Variants in ZNF423 observed in about 807,000 individuals in gnomAD.
The protein encoded by ZNF423 is Ebf-associated zinc finger protein.
A neutral mutation model predicts 95.8 loss-of-function variants in ZNF423; 12 were observed. The ratio of observed to expected loss-of-function variants is 0.13; its 90% CI spans 0.08 to 0.20. The LOEUF (loss-of-function observed/expected upper bound fraction) is 0.20. Among genes scored for constraint, ZNF423 ranks in the 10% least tolerant of loss-of-function variants. The pLI, the probability that ZNF423 is intolerant of heterozygous loss-of-function variation, is 1.00. For synonymous variants in ZNF423, 749 were observed against 711.9 expected (o/e 1.05, Z -0.83); for missense variants, 1,316 against 1,737.1 (o/e 0.76, Z 4.31).
chr16:49,693,494 C>G (rs2031863638), intron 3 of ZNF423, among the ~76,000 whole-genome samples: 1 of 152,194 alleles, frequency 6.6e-6, no homozygotes, highest in South Asian at 2.1e-4. Context: ...GCTTTTCAGC[C>G]TGGCCAGCAT....
intron 2 of ZNF423, among the ~76,000 whole-genome samples, chr16:49,782,861 T>C (rs927286883): frequency 1.3e-5 from 2 of 151,560 alleles, no homozygotes; most frequent in Non-Finnish European, 2.9e-5. Context: ...TGGTGGTACA[T>C]GCCTGTAATT....
intron 5 of ZNF423, among the ~76,000 whole-genome samples, chr16:49,586,489 G>A (rs1031765451): frequency 6.6e-6 from 1 of 152,216 alleles, no homozygotes; most frequent in Non-Finnish European, 1.5e-5. Flanking sequence ...AGGCTGCACC[G>A]GCAGCATTCC....
intron 2 of ZNF423, among the ~76,000 whole-genome samples, chr16:49,752,379 C>T (rs534295078): frequency 6.6e-5 from 10 of 152,362 alleles, no homozygotes; most frequent in African/African-American, 2.4e-4. Context: ...CTTGCATAAC[C>T]ACCTGGGCAT....
chr16:49,500,587 G>A (rs1967354732), intron 7 of ZNF423, among the ~76,000 whole-genome samples: 1 of 152,162 alleles, frequency 6.6e-6, no homozygotes, highest in African/African-American at 2.4e-5. Context: ...AAAGCCTTGA[G>A]AAGAGCCTGG....
rs144644013 is a variant in ZNF423 at position 49,814,118 on chromosome 16, C to T, written c.41-24572G>A. Among the ~76,000 whole-genome samples the T allele has an allele frequency of 7.6e-3, 1,163 of 152,296 alleles. 20 individuals carry two copies. The highest frequency in any genetic ancestry group is 0.026 in the African/African-American group (1,101 of 41,582). On this transcript the variant is annotated intron_variant, in intron 1 of 7. Transcript: ENST00000563137. Reference sequence around the variant, plus strand: ...CTGTGGGCTGCCAGGGTCCAAGAGCCAGGCCCTGAGGAGCCGGGGCTTCGG... The same window carrying T: ...CTGTGGGCTGCCAGGGTCCAAGAGCTAGGCCCTGAGGAGCCGGGGCTTCGG...
intron 3 of ZNF423, among the ~76,000 whole-genome samples, chr16:49,642,129 G>C (rs966603795): frequency 6.6e-6 from 1 of 152,212 alleles, no homozygotes; most frequent in African/African-American, 2.4e-5. Context: ...CCACGTGCCA[G>C]CACTGTGCTA....
At chr16:49,612,385 T>G (rs1181779170) in intron 5 of ZNF423, among the ~76,000 whole-genome samples, 3 of 143,410 alleles carry the variant, frequency 2.1e-5, no homozygotes, top group Non-Finnish European at 4.5e-5. Flanking sequence ...TAAGAAAAAG[T>G]GCATGGTCTC....
intron 1 of ZNF423, among the ~76,000 whole-genome samples, chr16:49,805,305 C>A (rs773567394): frequency 1.3e-5 from 2 of 152,206 alleles, no homozygotes; most frequent in African/African-American, 4.8e-5. Flanking sequence ...CCATCACATA[C>A]CTGTAGTGAG....
intron 5 of ZNF423, among the ~76,000 whole-genome samples, chr16:49,570,462 G>C (rs918783182): frequency 6.6e-6 from 1 of 152,178 alleles, no homozygotes; most frequent in East Asian, 1.9e-4. Context: ...CATTTATATG[G>C]TGAGTTGGGG....
intron 5 of ZNF423, among the ~76,000 whole-genome samples, chr16:49,551,878 G>T (rs960708073): frequency 3.9e-5 from 6 of 152,234 alleles, no homozygotes; most frequent in African/African-American, 1.4e-4. Context: ...TGGACCAAGA[G>T]AGTGGCCTCC....
intron 2 of ZNF423, chr16:49,731,269 T>C: frequency 1.0e-6 from 1 of 972,232 alleles, no homozygotes. Flanking sequence ...ACCTTATTTG[T>C]CTCCTAAAAA....
chr16:49,801,186 C>G (rs2034577129), intron 1 of ZNF423, among the ~76,000 whole-genome samples: 1 of 152,224 alleles, frequency 6.6e-6, no homozygotes, highest in South Asian at 2.1e-4. Flanking sequence ...CGTGCCCTGC[C>G]ACAGCCTGCC....
At chr16:49,610,854 A>G (rs1211797083) in intron 5 of ZNF423, among the ~76,000 whole-genome samples, 2 of 152,070 alleles carry the variant, frequency 1.3e-5, no homozygotes, top group Non-Finnish European at 2.9e-5. Flanking sequence ...CATTGAAAGA[A>G]AGCAAAAAGG....
chr16:49,697,593 A>C (rs867222987), intron 3 of ZNF423, among the ~76,000 whole-genome samples: 3 of 152,240 alleles, frequency 2.0e-5, no homozygotes, highest in Middle Eastern at 6.8e-3. Flanking sequence ...ACTCTAGGGA[A>C]ATTTTTTGGA....
At chr16:49,605,764 G>A (rs531604483) in intron 5 of ZNF423, among the ~76,000 whole-genome samples, 8 of 152,310 alleles carry the variant, frequency 5.3e-5, no homozygotes, top group East Asian at 1.9e-4. Context: ...CAAGGCCCCC[G>A]TTGTCACTGG....
chr16:49,616,245 C>T (rs1443644402), intron 5 of ZNF423, among the ~76,000 whole-genome samples: 3 of 152,140 alleles, frequency 2.0e-5, no homozygotes, highest in African/African-American at 7.2e-5. Flanking sequence ...CCCATGTTCT[C>T]ACTCATTTGT....
intron 1 of ZNF423, among the ~76,000 whole-genome samples, chr16:49,842,370 A>G (rs1344272490): frequency 1.5e-5 from 1 of 65,342 alleles, no homozygotes; most frequent in Non-Finnish European, 3.2e-5. Context: ...GAGAGACAGG[A>G]AGGAAGGAAG....
At chr16:49,677,272 A>AGAAGAGAAGAGAAGGGAAGG (rs2031112946) in intron 3 of ZNF423, among the ~76,000 whole-genome samples, 1 of 71,052 alleles carries the variant, frequency 1.4e-5, no homozygotes, top group Non-Finnish European at 2.9e-5. Flanking sequence ...AGAAGAGAAG[A>AGAAGAGAAGAGAAGGGAAGG]GAAGAGAAGA....
At chr16:49,521,598 G>C (rs1302900961) in intron 7 of ZNF423, among the ~76,000 whole-genome samples, 1 of 152,256 alleles carries the variant, frequency 6.6e-6, no homozygotes, top group Non-Finnish European at 1.5e-5. Context: ...CACTAGCTCA[G>C]TGGTGGCCTT....
Sources: gnomAD v4.1 joint callset for allele counts (sites outside exome capture counted in the v4.1 genomes callset) on GRCh38, gnomAD v4.1.1 for gene constraint, MANE v1.5 for transcripts, NCBI Gene and HGNC (gene_info 2026-07-23, HGNC 2026-07-21) for gene names.